Variants in CCDC148 observed in about 807,000 individuals in gnomAD.
CCDC148 encodes the protein coiled-coil domain containing 148.
CCDC148 carries 89 observed loss-of-function variants against 85.7 expected under a neutral mutation model. That is an observed-to-expected ratio of 1.04 (90% CI 0.87 to 1.24). The LOEUF is 1.24. CCDC148 is among the 50% of genes most tolerant of loss of function. The pLI, the probability that CCDC148 is intolerant of heterozygous loss-of-function variation, is 0.00. For synonymous variants in CCDC148, 230 were observed against 213.9 expected (o/e 1.08, Z -0.66); for missense variants, 692 against 671.7 (o/e 1.03, Z -0.33).
chr2:158,291,561 A>G (rs182362149), intron 9 of CCDC148, among the ~76,000 whole-genome samples: 23 of 152,244 alleles, frequency 1.5e-4, no homozygotes, highest in Non-Finnish European at 1.5e-5. Flanking sequence ...TCCTTGAGCA[A>G]TTTGTTGAAA....
chr2:158,387,494 C>T lies in CCDC148; in HGVS notation c.26-28924G>A, dbSNP rs549248463. ...AAATCTCATCCCTCATCTATAATAC[C>T]ACCTCTCTTCTACACAGATGCCTCC... On this transcript the variant is annotated intron_variant, in intron 1 of 13. Coordinates refer to ENST00000283233, the MANE Select transcript of CCDC148 (RefSeq NM_138803.4). Among the ~76,000 whole-genome samples the T allele has an allele frequency of 3.9e-5, 6 of 151,996 alleles. No homozygotes were observed. In the South Asian group the frequency reaches 1.2e-3, roughly 32 times the overall value.
intron 1 of CCDC148, among the ~76,000 whole-genome samples, chr2:158,413,762 T>C: frequency 6.6e-6 from 1 of 152,228 alleles, no homozygotes; most frequent in African/African-American, 2.4e-5. Context: ...ATGTGTAATT[T>C]TTAAAGCATG....
chr2:158,396,890 G>C (rs1216340492), intron 1 of CCDC148, among the ~76,000 whole-genome samples: 3 of 151,998 alleles, frequency 2.0e-5, no homozygotes, highest in African/African-American at 7.2e-5. Flanking sequence ...AGGTGGGAAG[G>C]TTAAAAACAC....
chr2:158,336,824 T>C (rs1037246959), intron 7 of CCDC148, among the ~76,000 whole-genome samples: 1 of 152,070 alleles, frequency 6.6e-6, no homozygotes, highest in African/African-American at 2.4e-5. Flanking sequence ...CCTCAAGGGG[T>C]TTACAGTCTA....
chr2:158,371,750 C>T (rs1269266793), intron 1 of CCDC148, among the ~76,000 whole-genome samples: 2 of 151,428 alleles, frequency 1.3e-5, no homozygotes, highest in African/African-American at 4.9e-5. Context: ...TCAACCACTA[C>T]AAGAATCAAA....
intron 7 of CCDC148, among the ~76,000 whole-genome samples, chr2:158,332,574 T>G (rs1693194223): frequency 6.6e-6 from 1 of 150,862 alleles, no homozygotes; most frequent in Non-Finnish European, 1.5e-5. Flanking sequence ...GATTCCCTCT[T>G]TTTCTATTAT....
chr2:158,203,365 T>C (rs1032843993), intron 11 of CCDC148, among the ~76,000 whole-genome samples: 5 of 152,208 alleles, frequency 3.3e-5, no homozygotes, highest in African/African-American at 1.2e-4. Context: ...ATAATTTATA[T>C]CCTTTAACAA....
At position 158,220,756 on chromosome 2, in the gene CCDC148, A is replaced by T. The variant is rs1687137064; in HGVS notation, c.1252-43T>A. 3 of 1,427,820 alleles carry T rather than the reference A, an allele frequency of 2.1e-6. No homozygotes were observed. In the South Asian group the frequency reaches 3.8e-5, roughly 18 times the overall value. 88.4% of individuals were successfully genotyped at this position (1,427,820 alleles called of 1,614,324 possible). ...CATAAAATTTAAATTAACAACAGAT[A>T]TGTAAAAATGAGGGAAAAGCCATAA... On this transcript the variant is annotated intron_variant, in intron 10 of 13. Transcript: ENST00000283233.
intron 7 of CCDC148, among the ~76,000 whole-genome samples, chr2:158,316,961 C>A (rs969383865): frequency 1.3e-5 from 2 of 152,182 alleles, no homozygotes; most frequent in East Asian, 3.8e-4. Context: ...ATCAAACCTT[C>A]ATCTTTTTTG....
rs757099970 is a variant in CCDC148, at chr2:158,178,905, G to A, written c.1462C>T (p.Arg488Trp). 40 of 1,613,200 alleles carry A rather than the reference G, an allele frequency of 2.5e-5. No individual in the cohort carries two copies. The highest frequency in any genetic ancestry group is 9.3e-5 in the African/African-American group (7 of 74,874). ...QEAHEDKERA[R>W]RLEALRKQVA... The stretch of plus-strand genomic sequence containing the variant: ...TGTTTCCTAAGGGCTTCTAGCCGCC[G>A]TGCTCTCTCTTTGTCTTCATGAGCT... Residue 488 changes from arginine (R) to tryptophan (W), a missense_variant, in exon 12 of 14, where the codon CGG (arginine) becomes TGG (tryptophan). Coordinates refer to ENST00000283233, the MANE Select transcript of CCDC148 (RefSeq NM_138803.4).
chr2:158,326,517 A>T (rs1331766313), intron 7 of CCDC148, among the ~76,000 whole-genome samples: 1 of 152,184 alleles, frequency 6.6e-6, no homozygotes, highest in Non-Finnish European at 1.5e-5. Flanking sequence ...ATTTGTTGAA[A>T]ATACGAAGGA....
intron 12 of CCDC148, among the ~76,000 whole-genome samples, chr2:158,177,399 C>T (rs992263185): frequency 3.3e-5 from 5 of 151,994 alleles, no homozygotes; most frequent in Non-Finnish European, 5.9e-5. Context: ...ATTCTTAATG[C>T]CATTTAAAGA....
intron 9 of CCDC148, among the ~76,000 whole-genome samples, chr2:158,256,978 CA>C (rs1689038450): frequency 6.6e-6 from 1 of 151,744 alleles, no homozygotes; most frequent in Non-Finnish European, 1.5e-5. Context: ...CAGCATCTGC[CA>C]GTCAGTAAGG....
chr2:158,452,026 T>C (rs1216231954), intron 1 of CCDC148, among the ~76,000 whole-genome samples: 5 of 152,122 alleles, frequency 3.3e-5, no homozygotes, highest in African/African-American at 7.2e-5. Flanking sequence ...AGGAGAATAG[T>C]GTAAAGAAGG....
chr2:158,439,433 A>G (rs1033174216), intron 1 of CCDC148, among the ~76,000 whole-genome samples: 2 of 152,110 alleles, frequency 1.3e-5, no homozygotes, highest in Middle Eastern at 3.2e-3. Flanking sequence ...CAATCAGAAC[A>G]CTTGGACACA....
At chr2:158,423,660 A>G (rs948685922) in intron 1 of CCDC148, among the ~76,000 whole-genome samples, 1 of 152,156 alleles carries the variant, frequency 6.6e-6, no homozygotes, top group African/African-American at 2.4e-5. Context: ...GCATGGGCAA[A>G]GACTTCATGA....
At chr2:158,284,125 G>T (rs1271469443) in intron 9 of CCDC148, among the ~76,000 whole-genome samples, 2 of 126,420 alleles carry the variant, frequency 1.6e-5, no homozygotes, top group African/African-American at 5.8e-5. Context: ...GGGGACTGTT[G>T]TGGGGTGGGG....
At chr2:158,288,018 A>G (rs369090796) in intron 9 of CCDC148, among the ~76,000 whole-genome samples, 1 of 152,176 alleles carries the variant, frequency 6.6e-6, no homozygotes, top group East Asian at 1.9e-4. Context: ...AGGCTTAAAC[A>G]TTACATAGAG....
chr2:158,243,616 G>A (rs1250719613), intron 10 of CCDC148, among the ~76,000 whole-genome samples: 10 of 152,080 alleles, frequency 6.6e-5, no homozygotes, highest in African/African-American at 2.4e-4. Flanking sequence ...GAGAAGCACC[G>A]TTGATCTCCC....
Sources: gnomAD v4.1 joint callset for allele counts (sites outside exome capture counted in the v4.1 genomes callset) on GRCh38, gnomAD v4.1.1 for gene constraint, MANE v1.5 for transcripts, NCBI Gene and HGNC (gene_info 2026-07-23, HGNC 2026-07-21) for gene names.